CLVS1: variants seen among roughly 807,000 people sequenced by gnomAD.
CLVS1 encodes clavesin-1.
Under a neutral mutation model 33.1 loss-of-function variants are expected in CLVS1, and 10 were observed. The observed-to-expected ratio is 0.30, with a 90% CI of 0.19 to 0.51. The LOEUF is 0.51. CLVS1 is among the 20% of genes least tolerant of loss of function. The probability of loss-of-function intolerance (pLI) is 0.97; values close to 1 mark genes in which losing one functional copy is unlikely to be tolerated. For missense variants in CLVS1, 343 were observed against 433.4 expected, an observed-to-expected ratio of 0.79 and a Z score of 1.85; for synonymous variants, 163 against 166.1, an observed-to-expected ratio of 0.98 and a Z score of 0.14.
chr8:61,366,178 C>A (rs1267883983), intron 2 of CLVS1, among the ~76,000 whole-genome samples: 1 of 152,058 alleles, frequency 6.6e-6, no homozygotes, highest in Non-Finnish European at 1.5e-5. Context: ...TCTCTATGGG[C>A]CCTGGTGCAA....
chr8:61,304,981 A>AG (rs1421002232), intron 2 of CLVS1, among the ~76,000 whole-genome samples: 1 of 152,116 alleles, frequency 6.6e-6, no homozygotes, highest in Non-Finnish European at 1.5e-5. Flanking sequence ...ACAAACTCTG[A>AG]ACCCCGATGG....
intron 1 of CLVS1, among the ~76,000 whole-genome samples, chr8:61,296,995 C>T (rs12547350): frequency 0.24 from 35,808 of 151,996 alleles, 7,052 homozygotes; most frequent in East Asian, 0.84. Flanking sequence ...GGGTTTCCTG[C>T]GGAAATGAGT....
chr8:61,146,255 T>C (rs1303550323), intron 2 of CLVS1, among the ~76,000 whole-genome samples: 1 of 152,248 alleles, frequency 6.6e-6, no homozygotes, highest in Non-Finnish European at 1.5e-5. Context: ...GGGAAGTATG[T>C]CACTCTAAGT....
At chr8:61,085,913 G>A (rs1805114592) in intron 1 of CLVS1, among the ~76,000 whole-genome samples, 1 of 151,604 alleles carries the variant, frequency 6.6e-6, no homozygotes, top group African/African-American at 2.4e-5. Context: ...GCGGGCGCCT[G>A]TAGTCCCAGC....
At chr8:61,282,668 A>G (rs372348902) in intron 2 of CLVS1, among the ~76,000 whole-genome samples, 2 of 152,224 alleles carry the variant, frequency 1.3e-5, no homozygotes, top group East Asian at 3.8e-4. Flanking sequence ...ATTGCTTGAA[A>G]AGTTCTTGCA....
chr8:61,036,580 C>T, the CLVS1 span, among the ~76,000 whole-genome samples: 1 of 152,192 alleles, frequency 6.6e-6, no homozygotes, highest in Non-Finnish European at 1.5e-5. Flanking sequence ...CCTCTCCTCC[C>T]CCTCCTCTTC....
intron 5 of CLVS1, among the ~76,000 whole-genome samples, chr8:61,497,445 G>GGC (rs1275044393): frequency 6.7e-6 from 1 of 148,626 alleles, no homozygotes; most frequent in African/African-American, 2.5e-5. Context: ...TTTTTATTGG[G>GGC]GGGGGGGTGT....
chr8:61,263,447 G>C (rs548768286), intron 2 of CLVS1, among the ~76,000 whole-genome samples: 2 of 152,198 alleles, frequency 1.3e-5, no homozygotes, highest in African/African-American at 4.8e-5. Context: ...AGCCCCACTG[G>C]GTAGCTCTCC....
intron 5 of CLVS1, among the ~76,000 whole-genome samples, chr8:61,484,753 C>T (rs958713580): frequency 9.9e-5 from 15 of 152,194 alleles, no homozygotes; most frequent in African/African-American, 2.6e-4. Context: ...GAGATATAGA[C>T]CAATGGAACA....
At chr8:61,160,612 T>G (rs1223100900) in intron 2 of CLVS1, among the ~76,000 whole-genome samples, 3 of 129,322 alleles carry the variant, frequency 2.3e-5, no homozygotes, top group African/African-American at 7.4e-5. Context: ...TACCTCTTCT[T>G]GTTAAGAGAT....
chr8:61,088,633 C>T (rs1421138894), intron 1 of CLVS1, among the ~76,000 whole-genome samples: 1 of 152,014 alleles, frequency 6.6e-6, no homozygotes, highest in Non-Finnish European at 1.5e-5. Flanking sequence ...AGGGTATATT[C>T]CTAAGAGTGG....
chr8:61,029,131 C>T, the CLVS1 span, among the ~76,000 whole-genome samples: 1 of 152,182 alleles, frequency 6.6e-6, no homozygotes, highest in East Asian at 1.9e-4. Context: ...CATACAACTC[C>T]CTGAGGGAGA....
intron 3 of CLVS1, among the ~76,000 whole-genome samples, chr8:61,390,509 C>A (rs1336076678): frequency 6.6e-6 from 1 of 152,180 alleles, no homozygotes; most frequent in Non-Finnish European, 1.5e-5. Context: ...TATTCACCAG[C>A]AATGTATGAG....
intron 2 of CLVS1, among the ~76,000 whole-genome samples, chr8:61,256,513 A>G (rs1259121003): frequency 6.6e-6 from 1 of 152,254 alleles, no homozygotes; most frequent in Non-Finnish European, 1.5e-5. Context: ...ACTCCGTCTC[A>G]AAAACAAAAA....
chr8:61,466,868 C>T (rs1007756014), intron 5 of CLVS1, among the ~76,000 whole-genome samples: 1 of 152,070 alleles, frequency 6.6e-6, no homozygotes. Context: ...AAGCTGGTCT[C>T]GAACTCCTGA....
At chr8:61,431,631 T>C (rs1282289611) in intron 3 of CLVS1, among the ~76,000 whole-genome samples, 1 of 152,184 alleles carries the variant, frequency 6.6e-6, no homozygotes, top group Non-Finnish European at 1.5e-5. Context: ...TCTTTCATTC[T>C]TTTTTATTCT....
At chr8:61,185,846 C>A (rs1281130609) in intron 2 of CLVS1, among the ~76,000 whole-genome samples, 2 of 152,080 alleles carry the variant, frequency 1.3e-5, no homozygotes, top group African/African-American at 4.8e-5. Flanking sequence ...CCAGAAGGAC[C>A]ATGATAATTT....
chr8:61,216,173 C>T (rs1346406003), intron 2 of CLVS1, among the ~76,000 whole-genome samples: 2 of 152,184 alleles, frequency 1.3e-5, no homozygotes, highest in African/African-American at 4.8e-5. Context: ...TGTACACTGG[C>T]TTCTCTCACA....
chr8:61,076,679 A>G (rs189285328), intron 1 of CLVS1, among the ~76,000 whole-genome samples: 2 of 152,314 alleles, frequency 1.3e-5, no homozygotes, highest in Admixed American at 6.5e-5. Flanking sequence ...AGATGCTTCC[A>G]TTTGTGGTAA....
Sources: allele counts gnomAD v4.1 joint callset (sites outside exome capture counted in the v4.1 genomes callset), GRCh38; gene constraint gnomAD v4.1.1; transcripts MANE v1.5; gene names NCBI Gene and HGNC (gene_info 2026-07-23, HGNC 2026-07-21).